The following MED13L variants were observed in gnomAD, a reference collection of about 807,000 sequenced individuals.
MED13L encodes mediator of RNA polymerase II transcription subunit 13-like.
MED13L carries 7 observed loss-of-function variants against 220.9 expected under a neutral mutation model. That is an observed-to-expected ratio of 0.03 (90% CI 0.02 to 0.06). The LOEUF is 0.06. Ranked by LOEUF, MED13L falls within the 10% of genes least tolerant of loss-of-function variation. The pLI, the probability that MED13L is intolerant of heterozygous loss-of-function variation, is 1.00. For missense variants in MED13L, 1,965 were observed against 2,760.5 expected, an observed-to-expected ratio of 0.71 and a Z score of 6.46; for synonymous variants, 1,011 against 1,015.2, an observed-to-expected ratio of 1.00 and a Z score of 0.08.
At chr12:115,989,290 C>T (rs1046494292) in intron 17 of MED13L, among the ~76,000 whole-genome samples, 7 of 152,150 alleles carry the variant, frequency 4.6e-5, no homozygotes, top group African/African-American at 1.7e-4. Flanking sequence ...CATGTTTAAT[C>T]CTTATCTTAA....
intron 24 of MED13L, 32 bp from the exon 25 acceptor site, chr12:115,975,345 G>A (rs1876863658): frequency 2.5e-6 from 4 of 1,613,770 alleles, no homozygotes; most frequent in Middle Eastern, 1.6e-4. Flanking sequence ...AAGGGGAAGG[G>A]GTCCCTAGAT....
intron 2 of MED13L, among the ~76,000 whole-genome samples, chr12:116,221,367 C>T (rs1868420200): frequency 6.8e-6 from 1 of 147,112 alleles, no homozygotes; most frequent in Non-Finnish European, 1.5e-5. Context: ...GGGTAAGACC[C>T]TGTCTTAAAA....
intron 2 of MED13L, among the ~76,000 whole-genome samples, chr12:116,191,754 G>A (rs989551192): frequency 1.3e-5 from 2 of 152,098 alleles, no homozygotes; most frequent in African/African-American, 4.8e-5. Flanking sequence ...GCCGAGATGG[G>A]AGGATCACTT....
At chr12:116,271,434 C>CA (rs1226718962) in intron 1 of MED13L, among the ~76,000 whole-genome samples, 45 of 147,738 alleles carry the variant, frequency 3.0e-4, no homozygotes, top group Non-Finnish European at 5.1e-4. Flanking sequence ...ACTAAACATA[C>CA]AAAAAAAAAA....
intron 1 of MED13L, among the ~76,000 whole-genome samples, chr12:116,266,267 C>A (rs916177973): frequency 3.3e-5 from 5 of 152,110 alleles, no homozygotes; most frequent in African/African-American, 4.8e-5. Context: ...GTCTCCAGGG[C>A]TGAGTGAAGG....
In MED13L at chr12:115,983,527, G is replaced by A. The variant is rs1311451894; in HGVS notation, c.4545C>T (p.Ala1515=). ...ATAGGCTGCTATCAAGCTGCAGAGT[G>A]GCTAAATAAGGTGCTGAAAGAATAC... ...VCRHHLAPYL[A]TLQLDSSLLI... The change falls in exon 21 of 31, where the codon GCC becomes GCT. Residue 1515 remains alanine, a synonymous_variant. Coordinates refer to ENST00000281928, the MANE Select transcript of MED13L (RefSeq NM_015335.5). 6.2e-7 allele frequency: 1 copy of A among 1,613,930 alleles called. No individual in the cohort carries two copies. The highest frequency in any genetic ancestry group is 8.5e-7 in the Non-Finnish European group (1 of 1,180,020).
At chr12:116,153,031 A>T (rs1260057479) in intron 2 of MED13L, among the ~76,000 whole-genome samples, 4 of 152,132 alleles carry the variant, frequency 2.6e-5, no homozygotes, top group African/African-American at 9.7e-5. Context: ...AAGAGCAGAG[A>T]TAAGTTACTA....
chr12:116,250,720 T>A (rs567649871), intron 1 of MED13L, among the ~76,000 whole-genome samples: 1 of 139,162 alleles, frequency 7.2e-6, no homozygotes, highest in African/African-American at 2.7e-5. Context: ...GAGGTTGCAG[T>A]GAGCTGAGAT....
At chr12:116,141,617 A>G (rs775717690) in intron 2 of MED13L, among the ~76,000 whole-genome samples, 6 of 152,178 alleles carry the variant, frequency 3.9e-5, no homozygotes, top group South Asian at 2.1e-4. Context: ...CTTCAGAATG[A>G]TATCTAGAAC....
intron 19 of MED13L, among the ~76,000 whole-genome samples, chr12:115,985,551 G>A (rs2137283336): frequency 6.6e-6 from 1 of 152,190 alleles, no homozygotes; most frequent in South Asian, 2.1e-4. Flanking sequence ...ATTTCATTTT[G>A]CTGAATACAA....
chr12:115,966,311 A>G, intron 28 of MED13L, 68 bp from the exon 29 acceptor site: 12 of 1,564,352 alleles, frequency 7.7e-6, no homozygotes, highest in Non-Finnish European at 1.1e-5. Flanking sequence ...AACTTTCATC[A>G]GTTCACTCTG....
At chr12:116,144,592 T>C (rs1221089265) in intron 2 of MED13L, among the ~76,000 whole-genome samples, 1 of 152,182 alleles carries the variant, frequency 6.6e-6, no homozygotes, top group Non-Finnish European at 1.5e-5. Flanking sequence ...CCTACTGTAG[T>C]TTTTACTATG....
chr12:116,125,834 T>G (rs1467338949), intron 2 of MED13L, among the ~76,000 whole-genome samples: 5 of 152,226 alleles, frequency 3.3e-5, no homozygotes, highest in Admixed American at 2.6e-4. Flanking sequence ...TCAGTTTAAA[T>G]GTATTCTTAG....
chr12:116,048,583 C>T (rs1164309214), intron 4 of MED13L, among the ~76,000 whole-genome samples: 2 of 151,940 alleles, frequency 1.3e-5, no homozygotes, highest in Admixed American at 1.3e-4. Context: ...CCTTGTGATA[C>T]CATATGGGCA....
chr12:116,007,350 T>A, intron 11 of MED13L, 61 bp downstream of exon 11: 1 of 1,473,718 alleles, frequency 6.8e-7, no homozygotes, highest in East Asian at 2.3e-5. Context: ...TTCCCACACA[T>A]GTTGTACTGA....
At chr12:116,090,678 G>C (rs1479745473) in intron 4 of MED13L, among the ~76,000 whole-genome samples, 1 of 152,142 alleles carries the variant, frequency 6.6e-6, no homozygotes, top group Non-Finnish European at 1.5e-5. Flanking sequence ...GGTCCCACAA[G>C]GTCAAATAGT....
chr12:116,108,390 A>AGGGG (rs35576412), intron 3 of MED13L, among the ~76,000 whole-genome samples: 11 of 41,250 alleles, frequency 2.7e-4, no homozygotes, highest in African/African-American at 7.7e-4. Context: ...TTTAAAAGAA[A>AGGGG]GGGGGGGGGG....
At chr12:116,239,920 G>A (rs1180163554) in intron 1 of MED13L, among the ~76,000 whole-genome samples, 2 of 152,154 alleles carry the variant, frequency 1.3e-5, no homozygotes, top group Admixed American at 1.3e-4. Context: ...CACCATTCCT[G>A]GGTTTGAATC....
chr12:116,012,864 G>C lies in MED13L; in HGVS notation c.1213C>G (p.Pro405Ala). 6.2e-7 allele frequency: 1 copy of C among 1,613,920 alleles called. No individual in the cohort carries two copies. Among genetic ancestry groups the C allele is most frequent in the Non-Finnish European group, 8.5e-7 (1 of 1,179,870 alleles). ...TCCCAAGTAGCAGGATTGCTAGCAG[G>C]CTCTTCTTCAAGAGTTGGAGTTGAC... ...QMSTPTLEEE[P>A]ASNPATWDFV... Residue 405 changes from proline to alanine, a missense_variant, in exon 9 of 31, where the codon CCT (proline) becomes GCT (alanine). Pro to Ala is a conservative substitution (Grantham distance 27). Transcript: ENST00000281928.
Sources: gnomAD v4.1 joint callset for allele counts (sites outside exome capture counted in the v4.1 genomes callset) on GRCh38, gnomAD v4.1.1 for gene constraint, MANE v1.5 for transcripts, NCBI Gene and HGNC (gene_info 2026-07-23, HGNC 2026-07-21) for gene names.